ZNF362: variants seen among roughly 807,000 people sequenced by gnomAD.
The protein encoded by ZNF362 is rotund homolog.
ZNF362 carries 11 observed loss-of-function variants against 42.9 expected under a neutral mutation model. The observed-to-expected ratio is 0.26, with a 90% confidence interval of 0.16 to 0.42. The LOEUF is 0.42. ZNF362 is among the 20% of genes least tolerant of loss of function. The probability of loss-of-function intolerance (pLI) is 1.00; values close to 1 mark genes in which losing one functional copy is unlikely to be tolerated. For synonymous variants in ZNF362, 255 were observed against 257.3 expected, an observed-to-expected ratio of 0.99 and a Z score of 0.09; for missense variants, 362 against 576.2, an observed-to-expected ratio of 0.63 and a Z score of 3.81.
At chr1:33,260,010 T>C (rs574683927) in intron 1 of ZNF362, among the ~76,000 whole-genome samples, 63 of 152,300 alleles carry the variant, frequency 4.1e-4, no homozygotes, top group African/African-American at 1.5e-3. Flanking sequence ...ATCAAGACAG[T>C]GTATGACACG....
chr1:33,189,696 TACACATATATACGTATATATATAC>T, the ZNF362 span, among the ~76,000 whole-genome samples: 1 of 94,248 alleles, frequency 1.1e-5, no homozygotes, highest in Admixed American at 1.2e-4. Flanking sequence ...TATATATATA[TACACATATATACGTATATATATAC>T]ATACACACAT....
Position 33,298,964 on chromosome 1 carries a change from C to T in ZNF362, c.1181C>T (p.Thr394Met), listed in dbSNP as rs1411727302. The change falls in exon 9 of 9, where the codon ACG becomes ATG. Residue 394 changes from threonine to methionine, a missense_variant. By Grantham distance (81) the Thr-to-Met change is moderately conservative (BLOSUM62 -1). This residue lies in a region of ZNF362 where 68 missense variants were observed against 107.4 expected (regional missense o/e 0.63). Transcript: ENST00000539719. ...TYLMKHMSKH[T>M]VVEHLVSHHS... ...CTGATGAAGCACATGTCCAAACACA[C>T]GGTGGTGGAGCACCTGGTGAGCCAT... The T allele has an allele frequency of 3.7e-6, 6 of 1,613,862 alleles. No homozygotes were observed. The highest frequency in any genetic ancestry group is 5.1e-6 in the Non-Finnish European group (6 of 1,180,014).
At position 33,273,406 on chromosome 1, in the gene ZNF362, G is replaced by A. The variant is rs559336631; in HGVS notation, c.39-2694G>A. ...CCAGGGGTCTGATAAGTGGCAGGAT[G>A]TTCTATCCCAGCTGTGGTACCCTGG... On this transcript the variant is annotated intron_variant, in intron 2 of 8. Transcript: ENST00000539719. Among the ~76,000 whole-genome samples, 3 of 152,358 alleles carry A rather than the reference G, an allele frequency of 2.0e-5. No homozygotes were observed. The South Asian group carries it at 6.2e-4, about 32-fold the overall frequency.
At chr1:33,212,009 T>C in the ZNF362 span, among the ~76,000 whole-genome samples, 2 of 152,204 alleles carry the variant, frequency 1.3e-5, no homozygotes, top group African/African-American at 4.8e-5. Context: ...AGGTGGGATC[T>C]GGTGGGAAGT....
the ZNF362 span, among the ~76,000 whole-genome samples, chr1:33,228,605 C>A: frequency 6.6e-6 from 1 of 152,172 alleles, no homozygotes; most frequent in African/African-American, 2.4e-5. Flanking sequence ...CCCTTGACTC[C>A]TCTTCTGCAC....
the ZNF362 span, among the ~76,000 whole-genome samples, chr1:33,150,463 G>C: frequency 6.6e-6 from 1 of 152,256 alleles, no homozygotes; most frequent in Non-Finnish European, 1.5e-5. Context: ...TCTTTGCCAG[G>C]AGTAAGTTTA....
rs1252845926 is a variant in ZNF362, at chr1:33,294,358, C to T, written c.909-579C>T. Among the ~76,000 whole-genome samples, 1 of 152,176 alleles carries T rather than the reference C, an allele frequency of 6.6e-6. No homozygotes were observed. The highest frequency in any genetic ancestry group is 1.5e-5 in the Non-Finnish European group (1 of 68,038). On this transcript the variant is annotated intron_variant, in intron 6 of 8. Coordinates refer to ENST00000539719, the MANE Select transcript of ZNF362 (RefSeq NM_152493.3). This position sits in a 1 kb window ranked among gnomAD's most constrained non-coding sequence, Gnocchi z 4.2. ...GATGAGAACCCAGGAGTGGCAGGGA[C>T]AGAAGGAGCTCTCAGGAAGGACACA...
At chr1:33,248,560 C>T in the ZNF362 span, among the ~76,000 whole-genome samples, 1 of 152,194 alleles carries the variant, frequency 6.6e-6, no homozygotes, top group Non-Finnish European at 1.5e-5. Context: ...AATTTCCTAT[C>T]TCACATCTTG....
chr1:33,296,966 G>A (rs764351724), intron 8 of ZNF362, among the ~76,000 whole-genome samples: 57 of 152,066 alleles, frequency 3.7e-4, no homozygotes, highest in Non-Finnish European at 6.9e-4. Flanking sequence ...CACTGTGCCT[G>A]GCAGGGAAGG....
chr1:33,295,284 G>A lies in ZNF362; in HGVS notation c.1125G>A (p.Met375Ile). The A allele has an allele frequency of 6.2e-7, 1 of 1,614,178 alleles. No individual in the cohort carries two copies. The highest frequency in any genetic ancestry group is 2.2e-5 in the East Asian group (1 of 44,878). The change falls in exon 8 of 9, where the codon ATG (methionine) becomes ATA (isoleucine). Residue 375 changes from methionine to isoleucine, a missense_variant. Met to Ile is a conservative substitution (Grantham distance 10, BLOSUM62 1). Coordinates refer to ENST00000539719, the MANE Select transcript of ZNF362 (RefSeq NM_152493.3). ...IKHAKAYCCS[M>I]CGRAYTSETY... is the part of the protein sequence containing the mutation. ...ACGCCAAGGCCTACTGCTGCAGCAT[G>A]TGTGGGCGGGCCTACACCTCGGTGA... is the stretch of plus-strand genomic sequence containing the variant.
intron 6 of ZNF362, among the ~76,000 whole-genome samples, chr1:33,290,579 A>G (rs546497555): frequency 6.6e-6 from 1 of 152,050 alleles, no homozygotes; most frequent in East Asian, 1.9e-4. Context: ...GTATATACCC[A>G]GTAATGGGAT....
chr1:33,174,945 G>GTATATATATATA, the ZNF362 span, among the ~76,000 whole-genome samples: 57 of 141,738 alleles, frequency 4.0e-4, no homozygotes, highest in East Asian at 9.4e-3. Flanking sequence ...ATATATGTGT[G>GTATATATATATA]TATATATATA....
chr1:33,136,592 ACTC>A, the ZNF362 span, among the ~76,000 whole-genome samples: 150 of 150,356 alleles, frequency 1.0e-3, no homozygotes, highest in Non-Finnish European at 1.9e-3. Flanking sequence ...CTGGTCTTGA[ACTC>A]CTGGCCTCAA....
At chr1:33,232,190 C>G in the ZNF362 span, among the ~76,000 whole-genome samples, 28 of 152,230 alleles carry the variant, frequency 1.8e-4, no homozygotes, top group East Asian at 4.6e-3. Flanking sequence ...CAATACTGGT[C>G]AATGGGACCT....
At chr1:33,190,087 TG>T in the ZNF362 span, among the ~76,000 whole-genome samples, 2 of 152,150 alleles carry the variant, frequency 1.3e-5, no homozygotes, top group Admixed American at 1.3e-4. Flanking sequence ...ACAGTTACTG[TG>T]GTACTGGGTC....
In ZNF362 at chr1:33,276,434, C is replaced by G; in HGVS notation, c.189C>G (p.Ala63=). 1 of 1,581,406 alleles carries G rather than the reference C, an allele frequency of 6.3e-7. No homozygotes were observed. The change falls in exon 4 of 9, where the codon GCC becomes GCG. Residue 63 remains alanine (A), a synonymous_variant. Coordinates refer to ENST00000539719, the MANE Select transcript of ZNF362 (RefSeq NM_152493.3). Reference sequence around the variant, plus strand: ...CGCCTCACCTGCCGCCCACGTCGGCCTCGTCGCAGCAGCCGTTGCTAGTGC... The same window carrying G: ...CGCCTCACCTGCCGCCCACGTCGGCGTCGTCGCAGCAGCCGTTGCTAGTGC... ...IRPPHLPPTS[A]SSQQPLLVPP... is the part of the protein sequence containing the mutation.
chr1:33,134,374 C>G, the ZNF362 span, among the ~76,000 whole-genome samples: 4 of 152,224 alleles, frequency 2.6e-5, no homozygotes, highest in Non-Finnish European at 5.9e-5. Flanking sequence ...GAATTAAGTG[C>G]AGGTGGACTC....
chr1:33,165,158 G>A, the ZNF362 span: 89 of 246,710 alleles, frequency 3.6e-4, no homozygotes, highest in Non-Finnish European at 6.1e-4. The surrounding 1 kb of genome is among the most constrained non-coding windows in gnomAD (Gnocchi z 4.0). Flanking sequence ...CAGGAGGCAG[G>A]GGGTTTCCGG....
intron 6 of ZNF362, among the ~76,000 whole-genome samples, chr1:33,285,418 A>C (rs533190368): frequency 4.6e-5 from 7 of 152,252 alleles, no homozygotes; most frequent in East Asian, 1.9e-4. Flanking sequence ...CATCTCACCA[A>C]CAACAAAAAA....
Sources: gnomAD v4.1 joint callset for allele counts (sites outside exome capture counted in the v4.1 genomes callset) on GRCh38, gnomAD v4.1.1 for gene constraint, gnomAD v4.1.1 regional missense constraint, Gnocchi (gnomAD v3.1) non-coding constraint, MANE v1.5 for transcripts, NCBI Gene and HGNC (gene_info 2026-07-23, HGNC 2026-07-21) for gene names.